The following AFF3 variants were observed in gnomAD, a reference collection of about 807,000 sequenced individuals.
AFF3 encodes AF4/FMR2 family member 3.
AFF3 carries 32 observed loss-of-function variants against 129.7 expected under a neutral mutation model. The observed-to-expected ratio is 0.25, with a 90% CI of 0.19 to 0.33. AFF3 has a LOEUF of 0.33. Ranked by LOEUF, AFF3 falls within the 10% of genes least tolerant of loss-of-function variation. AFF3 has a pLI of 1.00. For missense variants in AFF3, 1,373 were observed against 1,592.0 expected (o/e 0.86, Z 2.34); for synonymous variants, 644 against 635.4 (o/e 1.01, Z -0.20).
chr2:99,817,102 G>A (rs1029855229), intron 8 of AFF3, among the ~76,000 whole-genome samples: 1 of 152,156 alleles, frequency 6.6e-6, no homozygotes, highest in African/African-American at 2.4e-5. Context: ...AGAGATGAAG[G>A]ACATGGGTTC....
chr2:99,882,391 G>C (rs1355962211), intron 7 of AFF3, among the ~76,000 whole-genome samples: 1 of 152,180 alleles, frequency 6.6e-6, no homozygotes, highest in Non-Finnish European at 1.5e-5. Flanking sequence ...CCAGAGGGAG[G>C]GTAGAAACTA....
Position 99,546,233 on chromosome 2 carries a change from A to G in AFF3, c.*5241T>C, listed in dbSNP as rs1021449904. ...TGTAGCAGGCAAAGCTACAGAAGAG[A>G]ACGTTCTTGAAAGACTGCTGGGTGT... is the stretch of plus-strand genomic sequence containing the variant. On this transcript the variant is annotated 3_prime_UTR_variant, in exon 25 of 25. Transcript: ENST00000672756. 8.6e-6 allele frequency: 2 copies of G among 232,122 alleles called. No individual in the cohort carries two copies. The highest frequency in any genetic ancestry group is 4.4e-5 in the African/African-American group (2 of 45,288). The allele number at this position is 232,122 out of a possible 1,614,324, so 14.4% of individuals were successfully genotyped here. A position where few individuals can be genotyped will look rare whatever the true frequency, so the allele number is the denominator to read the frequency against.
intron 17 of AFF3, among the ~76,000 whole-genome samples, chr2:99,579,265 C>T (rs1198448337): frequency 1.3e-5 from 2 of 151,624 alleles, no homozygotes; most frequent in Non-Finnish European, 2.9e-5. Context: ...ATTAGCTAGA[C>T]GTGGTGATAC....
chr2:99,821,072 C>T (rs1687642000), intron 8 of AFF3, among the ~76,000 whole-genome samples: 1 of 151,976 alleles, frequency 6.6e-6, no homozygotes, highest in African/African-American at 2.4e-5. Context: ...GGCGTTTCCT[C>T]ATGTTGGCCA....
intron 7 of AFF3, among the ~76,000 whole-genome samples, chr2:99,893,152 C>CT (rs1693696901): frequency 1.3e-5 from 2 of 152,210 alleles, no homozygotes; most frequent in Admixed American, 6.5e-5. Flanking sequence ...ACGTAACTGT[C>CT]TTTGTTACCC....
At chr2:99,580,149 T>C (rs1010625085) in intron 17 of AFF3, among the ~76,000 whole-genome samples, 1 of 152,204 alleles carries the variant, frequency 6.6e-6, no homozygotes, top group Non-Finnish European at 1.5e-5. Flanking sequence ...GTGCAGTTCT[T>C]TCTCGGGACC....
chr2:99,875,835 A>AAAC (rs1369957409), intron 7 of AFF3, among the ~76,000 whole-genome samples: 2 of 152,146 alleles, frequency 1.3e-5, no homozygotes, highest in African/African-American at 2.4e-5. Flanking sequence ...TTTACCCTCC[A>AAAC]AACAGCCCCA....
chr2:99,889,088 C>A (rs1490218256), intron 7 of AFF3, among the ~76,000 whole-genome samples: 2 of 152,160 alleles, frequency 1.3e-5, no homozygotes, highest in African/African-American at 4.8e-5. Flanking sequence ...AATAAAAGCA[C>A]TGATTTATCA....
intron 10 of AFF3, 113 bp from the exon 11 acceptor site, chr2:99,727,241 C>T (rs1679435773): frequency 4.6e-6 from 5 of 1,090,490 alleles, no homozygotes; most frequent in Non-Finnish European, 6.5e-6. Context: ...AAATGTGTAG[C>T]AGGAGGCTTT....
At chr2:100,035,155 T>C (rs1405901758) in intron 4 of AFF3, among the ~76,000 whole-genome samples, 1 of 152,180 alleles carries the variant, frequency 6.6e-6, no homozygotes, top group Non-Finnish European at 1.5e-5. Context: ...ACCTGTGGAA[T>C]CACACAGATG....
intron 15 of AFF3, among the ~76,000 whole-genome samples, chr2:99,592,926 A>AC (rs1678835859): frequency 9.5e-6 from 1 of 105,798 alleles, no homozygotes; most frequent in African/African-American, 3.8e-5. Flanking sequence ...ACAGAGTGAG[A>AC]CTCCCTCCCC....
intron 7 of AFF3, among the ~76,000 whole-genome samples, chr2:99,964,729 A>T (rs940662976): frequency 6.6e-6 from 1 of 152,340 alleles, no homozygotes; most frequent in African/African-American, 2.4e-5. Flanking sequence ...ATGTACAAAA[A>T]GAATTATGCA....
At chr2:99,574,145 T>G (rs1393139736) in intron 18 of AFF3, among the ~76,000 whole-genome samples, 3 of 152,238 alleles carry the variant, frequency 2.0e-5, no homozygotes, top group Non-Finnish European at 2.9e-5. Context: ...TTGAATCAAG[T>G]GTTGTCATTC....
At chr2:99,898,417 T>G (rs1694123785) in intron 7 of AFF3, among the ~76,000 whole-genome samples, 1 of 152,138 alleles carries the variant, frequency 6.6e-6, no homozygotes, top group Non-Finnish European at 1.5e-5. Context: ...AGCCACATCC[T>G]TGCCCTGCTG....
chr2:100,028,961 C>T (rs1271218808), intron 4 of AFF3, among the ~76,000 whole-genome samples: 2 of 152,168 alleles, frequency 1.3e-5, no homozygotes, highest in Non-Finnish European at 1.5e-5. Context: ...GAGATATCTA[C>T]ACCCCCACGT....
intron 7 of AFF3, among the ~76,000 whole-genome samples, chr2:99,884,576 T>C (rs1306391844): frequency 2.0e-5 from 3 of 151,806 alleles, no homozygotes; most frequent in Non-Finnish European, 4.4e-5. Flanking sequence ...TTTTTGTATT[T>C]TTTTTTTGGT....
intron 7 of AFF3, among the ~76,000 whole-genome samples, chr2:99,951,958 G>A (rs1397825017): frequency 6.6e-6 from 1 of 152,200 alleles, no homozygotes; most frequent in African/African-American, 2.4e-5. Context: ...TGAAATCTCT[G>A]AGAATAACAG....
At chr2:99,676,214 C>A (rs556025674) in intron 11 of AFF3, among the ~76,000 whole-genome samples, 1 of 152,164 alleles carries the variant, frequency 6.6e-6, no homozygotes, top group Non-Finnish European at 1.5e-5. Flanking sequence ...CCCTCCCCTT[C>A]ATAGCTCTTC....
chr2:100,074,181 C>T (rs1017166390), intron 4 of AFF3, among the ~76,000 whole-genome samples: 6 of 152,206 alleles, frequency 3.9e-5, no homozygotes, highest in African/African-American at 1.4e-4. Context: ...TCTAACGGAG[C>T]TCAATGACTT....
Sources: allele counts gnomAD v4.1 joint callset (sites outside exome capture counted in the v4.1 genomes callset), GRCh38; gene constraint gnomAD v4.1.1; transcripts MANE v1.5; gene names NCBI Gene and HGNC (gene_info 2026-07-23, HGNC 2026-07-21).